Variants in ARHGEF12 observed in about 807,000 individuals in gnomAD.
ARHGEF12 encodes the protein KMT2A/ARHGEF12 fusion protein.
ARHGEF12 carries 66 observed loss-of-function variants against 211.2 expected under a neutral mutation model. The observed-to-expected ratio is 0.31, with a 90% CI of 0.26 to 0.38. The LOEUF (loss-of-function observed/expected upper bound fraction) is 0.38, where lower values mean the gene tolerates loss of function less well. ARHGEF12 is among the 10% of genes least tolerant of loss of function. ARHGEF12 has a pLI of 1.00. For missense variants in ARHGEF12, 1,429 were observed against 1,869.5 expected, an observed-to-expected ratio of 0.76 and a Z score of 4.34; for synonymous variants, 592 against 638.4, an observed-to-expected ratio of 0.93 and a Z score of 1.09.
chr11:120,343,358 T>C (rs780855555), intron 1 of ARHGEF12, among the ~76,000 whole-genome samples: 8 of 152,208 alleles, frequency 5.3e-5, no homozygotes, highest in Admixed American at 3.9e-4. Context: ...AGCATTTTAC[T>C]TTTTCAACTT....
chr11:120,358,119 A>G (rs1943177396), intron 1 of ARHGEF12, among the ~76,000 whole-genome samples: 1 of 152,146 alleles, frequency 6.6e-6, no homozygotes, highest in Non-Finnish European at 1.5e-5. Context: ...TTATGTTATA[A>G]AAGATTCTTT....
In ARHGEF12 at chr11:120,412,480, G is replaced by T. The variant is rs544399378; in HGVS notation, c.199+3030G>T. Among the ~76,000 whole-genome samples, 27 of 152,300 alleles carry T rather than the reference G, an allele frequency of 1.8e-4. No individual in the cohort carries two copies. The South Asian group carries it at 5.6e-3, about 32-fold the overall frequency. On this transcript the variant is annotated intron_variant, in intron 4 of 40. Coordinates refer to ENST00000397843, the MANE Select transcript of ARHGEF12 (RefSeq NM_015313.3). ...AGATTCCCTTGCTGGCTTGCAGATG[G>T]CTGCCTTCTTGCTGTTTGTCTCACA...
At chr11:120,345,723 G>GAAAAAA (rs1942696393) in intron 1 of ARHGEF12, among the ~76,000 whole-genome samples, 1 of 116,204 alleles carries the variant, frequency 8.6e-6, no homozygotes. Context: ...AAAAAAAAAC[G>GAAAAAA]AAATGGCGTA....
chr11:120,385,951 G>C (rs1022756055), intron 1 of ARHGEF12, among the ~76,000 whole-genome samples: 1 of 152,104 alleles, frequency 6.6e-6, no homozygotes, highest in African/African-American at 2.4e-5. Flanking sequence ...TGGGATATAG[G>C]GGGTGGGGAT....
At chr11:120,388,888 G>A (rs1944122552) in intron 1 of ARHGEF12, among the ~76,000 whole-genome samples, 1 of 151,826 alleles carries the variant, frequency 6.6e-6, no homozygotes, top group Non-Finnish European at 1.5e-5. Context: ...TTGCGACAGA[G>A]TTTTGCTCTT....
At chr11:120,448,944 A>G (rs867065940) in intron 20 of ARHGEF12, 165 bp from the exon 21 acceptor site, 4 of 585,948 alleles carry the variant, frequency 6.8e-6, no homozygotes, top group South Asian at 2.3e-5. Flanking sequence ...TGTACACGGT[A>G]CTGTGTGCGA....
intron 1 of ARHGEF12, among the ~76,000 whole-genome samples, chr11:120,377,017 C>T (rs562087338): frequency 2.2e-4 from 33 of 152,090 alleles, no homozygotes; most frequent in Admixed American, 2.0e-3. Context: ...GTATATGTAC[C>T]GCATTTTCTT....
intron 3 of ARHGEF12, 192 bp from the exon 4 acceptor site, chr11:120,409,202 G>A (rs922335856): frequency 1.4e-5 from 7 of 513,466 alleles, no homozygotes; most frequent in East Asian, 9.4e-5. Flanking sequence ...TCTTTTCTTC[G>A]ATAAATCTTT....
At position 120,385,768 on chromosome 11, in the gene ARHGEF12, A is replaced by G. The variant is rs77245503; in HGVS notation, c.33-20350A>G. On this transcript the variant is annotated intron_variant, in intron 1 of 40. Transcript: ENST00000397843. ...GGTTTTTACATCCAGCATTGCAAGG[A>G]TATCTTTATTCAAAAGAATAGGATG... is the stretch of plus-strand genomic sequence containing the variant. Among the ~76,000 whole-genome samples the G allele has an allele frequency of 5.4e-3, 822 of 152,298 alleles. 3 individuals are homozygous for G. The highest frequency in any genetic ancestry group is 0.017 in the Middle Eastern group (5 of 294).
intron 29 of ARHGEF12, 79 bp from the exon 30 acceptor site, chr11:120,469,209 G>A (rs192100606): frequency 1.8e-6 from 2 of 1,100,586 alleles, no homozygotes; most frequent in Admixed American, 4.7e-5. Context: ...GTATTGAAAT[G>A]AAATGAAATC....
At chr11:120,395,164 CAA>C (rs1944344423) in intron 1 of ARHGEF12, among the ~76,000 whole-genome samples, 1 of 145,674 alleles carries the variant, frequency 6.9e-6, no homozygotes, top group Non-Finnish European at 1.5e-5. Flanking sequence ...TAAATTCCAA[CAA>C]TATATATACA....
Position 120,442,133 on chromosome 11 carries a change from A to G in ARHGEF12, c.1233A>G (p.Lys411=), listed in dbSNP as rs1343780592. The part of the protein sequence containing the change: ...LLCYLYSDLY[K]HTNSKETRRI... ...GTTATCTCTATTCAGACCTGTATAA[A>G]CATACCAATTCCAAAGAAACTCGTC... The change falls in exon 15 of 41, where the codon AAA becomes AAG. Residue 411 remains lysine, a synonymous_variant. Coordinates refer to ENST00000397843, the MANE Select transcript of ARHGEF12 (RefSeq NM_015313.3). 1.9e-6 allele frequency: 3 copies of G among 1,610,270 alleles called. No individual in the cohort carries two copies. The highest frequency in any genetic ancestry group is 2.2e-5 in the East Asian group (1 of 44,802).
intron 1 of ARHGEF12, among the ~76,000 whole-genome samples, chr11:120,399,347 A>AAAAAAAAAAAAAG (rs1565453341): frequency 2.0e-5 from 3 of 148,582 alleles, no homozygotes; most frequent in African/African-American, 5.0e-5. Context: ...AAAAAAAAAA[A>AAAAAAAAAAAAAG]AAAAGAAAAG....
intron 3 of ARHGEF12, 86 bp from the exon 4 acceptor site, chr11:120,409,308 T>C: frequency 7.5e-7 from 1 of 1,339,002 alleles, no homozygotes; most frequent in Non-Finnish European, 1.1e-6. Context: ...TTGATCATGA[T>C]TCATTCTTTT....
intron 23 of ARHGEF12, chr11:120,457,477 AAAATAAAT>A (rs1168819032): frequency 5.7e-5 from 25 of 441,230 alleles, no homozygotes; most frequent in East Asian, 5.0e-4. Context: ...TGTAAAAAAT[AAAATAAAT>A]AAATAAATAA....
intron 16 of ARHGEF12, among the ~76,000 whole-genome samples, chr11:120,445,890 ACT>A (rs1946029835): frequency 7.1e-6 from 1 of 141,266 alleles, no homozygotes; most frequent in East Asian, 2.1e-4. Flanking sequence ...TAAGAGCAAA[ACT>A]CTGTCTCAAA....
At chr11:120,417,799 A>G (rs1945075475) in intron 4 of ARHGEF12, among the ~76,000 whole-genome samples, 1 of 152,134 alleles carries the variant, frequency 6.6e-6, no homozygotes. Flanking sequence ...CCTGGCCAGA[A>G]TCTCTGATTC....
intron 1 of ARHGEF12, among the ~76,000 whole-genome samples, chr11:120,350,493 T>G (rs1465530358): frequency 6.8e-6 from 1 of 146,420 alleles, no homozygotes; most frequent in Non-Finnish European, 1.5e-5. Flanking sequence ...CCAGCCTGGG[T>G]GACAGAGCAA....
chr11:120,479,391 A>G (rs966630635), intron 37 of ARHGEF12, among the ~76,000 whole-genome samples: 5 of 152,270 alleles, frequency 3.3e-5, no homozygotes, highest in African/African-American at 4.8e-5. Flanking sequence ...GATGGTTGGA[A>G]TAACATTGTC....
Sources: allele counts gnomAD v4.1 joint callset (sites outside exome capture counted in the v4.1 genomes callset), GRCh38; gene constraint gnomAD v4.1.1; transcripts MANE v1.5; gene names NCBI Gene and HGNC (gene_info 2026-07-23, HGNC 2026-07-21).